COL28A1: variants seen among roughly 807,000 people sequenced by gnomAD.
The protein encoded by COL28A1 is collagen alpha-1(XXVIII) chain.
COL28A1 carries 161 observed loss-of-function variants against 150.2 expected under a neutral mutation model. The ratio of observed to expected loss-of-function variants is 1.07; its 90% CI spans 0.94 to 1.22. COL28A1 has a LOEUF of 1.22. COL28A1 is among the 50% of genes most tolerant of loss of function. The probability of loss-of-function intolerance (pLI) is 0.00; values close to 1 mark genes in which losing one functional copy is unlikely to be tolerated. For missense variants in COL28A1, 1,617 were observed against 1,388.3 expected (o/e 1.16, Z -2.62); for synonymous variants, 552 against 469.7 (o/e 1.18, Z -2.26).
At position 7,456,065 on chromosome 7, in the gene COL28A1, T is replaced by C. The variant is rs555223790; in HGVS notation, c.1350A>G (p.Gly450=). 18 of 1,613,940 alleles carry C rather than the reference T, an allele frequency of 1.1e-5. No homozygotes were observed. In the African/African-American group the frequency reaches 2.0e-4, roughly 18 times the overall value. ...TTACCTGTTCCCCTTGACTCCCGAT[T>C]CCAGGGATACCCATTGGTCCTTGGG... ...VGPQGPMGIP[G]IGSQGEQGIQ... is the part of the protein sequence containing the mutation. The change falls in exon 16 of 35, where the codon GGA becomes GGG. Residue 450 remains glycine (G), a synonymous_variant. Transcript: ENST00000399429.
chr7:7,541,074 T>C, the COL28A1 span, among the ~76,000 whole-genome samples: 2 of 152,238 alleles, frequency 1.3e-5, no homozygotes, highest in Non-Finnish European at 2.9e-5. Context: ...ATTTCTGGAA[T>C]AAAAGTGTTT....
intron 30 of COL28A1, among the ~76,000 whole-genome samples, chr7:7,377,843 G>A (rs1300284761): frequency 1.3e-5 from 2 of 151,522 alleles, no homozygotes; most frequent in Non-Finnish European, 2.9e-5. Context: ...AGAAGGCTGT[G>A]GTAGTAGTAA....
chr7:7,410,474 C>T (rs1384643278), intron 27 of COL28A1, among the ~76,000 whole-genome samples: 1 of 152,092 alleles, frequency 6.6e-6, no homozygotes, highest in Non-Finnish European at 1.5e-5. Flanking sequence ...TTCAAAATTA[C>T]AATAAGAGAT....
upstream of COL28A1, among the ~76,000 whole-genome samples, chr7:7,539,533 G>C (rs1325497711): frequency 3.3e-5 from 5 of 152,174 alleles, no homozygotes; most frequent in East Asian, 9.6e-4. Flanking sequence ...GGTTTGGAGG[G>C]GGCAAATATG....
At chr7:7,492,193 A>G (rs1321344838) in intron 11 of COL28A1, among the ~76,000 whole-genome samples, 2 of 152,112 alleles carry the variant, frequency 1.3e-5, no homozygotes, top group East Asian at 3.8e-4. Flanking sequence ...TTAAAGTCTC[A>G]ATTTACCCCA....
chr7:7,496,521 C>A (rs1226114530), intron 11 of COL28A1, among the ~76,000 whole-genome samples: 1 of 152,022 alleles, frequency 6.6e-6, no homozygotes, highest in Admixed American at 6.6e-5. Flanking sequence ...TACACAATTT[C>A]TCCTACCAAT....
At chr7:7,487,954 T>C (rs1779718547) in intron 13 of COL28A1, among the ~76,000 whole-genome samples, 1 of 152,194 alleles carries the variant, frequency 6.6e-6, no homozygotes. Context: ...ATGAGGTCTC[T>C]GGGCAACAAC....
At chr7:7,432,167 G>A (rs1237247225) in intron 25 of COL28A1, among the ~76,000 whole-genome samples, 1 of 152,196 alleles carries the variant, frequency 6.6e-6, no homozygotes, top group African/African-American at 2.4e-5. Flanking sequence ...CTGGACGAGA[G>A]TATCTAGGGA....
intron 27 of COL28A1, among the ~76,000 whole-genome samples, chr7:7,416,094 C>T (rs1160164446): frequency 1.3e-5 from 2 of 152,220 alleles, no homozygotes; most frequent in Non-Finnish European, 2.9e-5. Flanking sequence ...TGAGCCACTG[C>T]ACCCGGCCTA....
the COL28A1 span, among the ~76,000 whole-genome samples, chr7:7,338,915 G>A: frequency 9.9e-5 from 15 of 151,982 alleles, no homozygotes; most frequent in Non-Finnish European, 1.6e-4. Flanking sequence ...TTAGAACCCT[G>A]CCATTGCCTT....
intron 25 of COL28A1, among the ~76,000 whole-genome samples, chr7:7,430,157 C>T (rs567222850): frequency 6.6e-6 from 1 of 151,966 alleles, no homozygotes; most frequent in Admixed American, 6.6e-5. Context: ...AATGGAGTTT[C>T]GCTCTGTCGC....
chr7:7,367,620 C>T (rs189431164), intron 33 of COL28A1, among the ~76,000 whole-genome samples: 66 of 152,132 alleles, frequency 4.3e-4, no homozygotes, highest in African/African-American at 1.1e-3. Flanking sequence ...CTTACGTCCT[C>T]CCCTCCCCAG....
At position 7,432,631 on chromosome 7, in the gene COL28A1, C is replaced by G; in HGVS notation, c.1929+1G>C. The G allele has an allele frequency of 6.2e-7, 1 of 1,613,964 alleles. No homozygotes were observed. Among genetic ancestry groups the G allele is most frequent in the East Asian group, 2.2e-5 (1 of 44,858 alleles). On this transcript the variant is annotated splice_donor_variant, in intron 24 of 34. Coordinates refer to ENST00000399429, the MANE Select transcript of COL28A1 (RefSeq NM_001037763.3). LOFTEE classifies it high-confidence loss of function. Reference sequence around the variant, plus strand: ...AGGGAAGAAAAAAATGTCCCACTTACAGGCACACCAGGATAGCCATCACCT... The same window carrying G: ...AGGGAAGAAAAAAATGTCCCACTTAGAGGCACACCAGGATAGCCATCACCT...
Position 7,417,929 on chromosome 7 carries a change from T to C in COL28A1, c.2068-2A>G, listed in dbSNP as rs747555318. 5 of 1,602,988 alleles carry C rather than the reference T, an allele frequency of 3.1e-6. No homozygotes were observed. The Admixed American group carries it at 7.1e-5, about 23-fold the overall frequency. ...CAAGCCTTTCTGCCCAGTATCACCC[T>C]GTTAGAAGATGGGGAGAATTTGAAG... is the stretch of plus-strand genomic sequence containing the variant. On this transcript the variant is annotated splice_acceptor_variant, in intron 26 of 34. Coordinates refer to ENST00000399429, the MANE Select transcript of COL28A1 (RefSeq NM_001037763.3). LOFTEE classifies it high-confidence loss of function.
chr7:7,355,175 A>T (rs1194464270), downstream of COL28A1, among the ~76,000 whole-genome samples: 1 of 152,230 alleles, frequency 6.6e-6, no homozygotes, highest in Admixed American at 6.5e-5. Context: ...TATATTTCAG[A>T]TACATAGGAA....
At chr7:7,462,263 C>G (rs1191325619) in intron 15 of COL28A1, among the ~76,000 whole-genome samples, 1 of 152,126 alleles carries the variant, frequency 6.6e-6, no homozygotes, top group African/African-American at 2.4e-5. Flanking sequence ...TCTGACAGGG[C>G]CTACCCAAAT....
At chr7:7,375,382 C>A (rs983599010) in intron 31 of COL28A1, 79 bp downstream of exon 31, 1 of 1,315,362 alleles carries the variant, frequency 7.6e-7, no homozygotes, top group Non-Finnish European at 1.0e-6. Context: ...TACATCTGGA[C>A]GAACACATTC....
intron 9 of COL28A1, among the ~76,000 whole-genome samples, chr7:7,508,897 A>G (rs529582029): frequency 2.0e-5 from 3 of 152,088 alleles, no homozygotes; most frequent in African/African-American, 4.8e-5. Context: ...GCAATGGCAC[A>G]ATCTCGGTCC....
chr7:7,344,626 C>G, the COL28A1 span, among the ~76,000 whole-genome samples: 1 of 152,038 alleles, frequency 6.6e-6, no homozygotes, highest in Non-Finnish European at 1.5e-5. Context: ...TTCACATCAT[C>G]TGTCTTTTAA....
Sources: allele counts gnomAD v4.1 joint callset (sites outside exome capture counted in the v4.1 genomes callset), GRCh38; gene constraint gnomAD v4.1.1; transcripts MANE v1.5; gene names NCBI Gene and HGNC (gene_info 2026-07-23, HGNC 2026-07-21).